TKTL2: variants seen among roughly 807,000 people sequenced by gnomAD.
TKTL2 encodes the protein transketolase-like protein 2.
For missense variants in TKTL2, 825 were observed against 799.4 expected (o/e 1.03, Z -0.39); for synonymous variants, 259 against 294.1 (o/e 0.88, Z 1.22).
At position 163,473,612 on chromosome 4, in the gene TKTL2, CGACG is replaced by C. The variant is rs765548461; in HGVS notation, c.119_122del (p.Thr40SerfsTer17). The C allele has an allele frequency of 3.7e-6, 6 of 1,614,008 alleles. No homozygotes were observed. The South Asian group carries it at 6.6e-5, about 18-fold the overall frequency. On this transcript the variant is annotated frameshift_variant, in exon 1 of 1. Coordinates refer to ENST00000280605, the MANE Select transcript of TKTL2 (RefSeq NM_032136.5). LOFTEE classifies it low-confidence loss of function (END_TRUNC). ...ACACGACCTCCGCTGCACTGCAGCA[CGACG>C]TGAGCTGGCCAGAACCAGAGGCACA...
Position 163,472,116 on chromosome 4 carries a change from G to A in TKTL2, c.1619C>T (p.Thr540Ile). ...GISVRVIDPFTIKPLDAATII... is the reference protein window; with the variant it reads ...GISVRVIDPFIIKPLDAATII... ...GGTGGCGGCATCCAGGGGTTTAATG[G>A]TAAATGGGTCGATGACACGGACAGA... is the stretch of plus-strand genomic sequence containing the variant. Residue 540 changes from threonine (T) to isoleucine (I), a missense_variant, in exon 1 of 1, where the codon ACC (threonine) becomes ATC (isoleucine). Physicochemically the swap from Thr to Ile is moderately conservative, Grantham distance 89. Coordinates refer to ENST00000280605, the MANE Select transcript of TKTL2 (RefSeq NM_032136.5). The A allele has an allele frequency of 6.2e-7, 1 of 1,614,196 alleles. No individual in the cohort carries two copies. Among genetic ancestry groups the A allele is most frequent in the Non-Finnish European group, 8.5e-7 (1 of 1,180,044 alleles).
rs756450611 is a variant in TKTL2, at chr4:163,472,616, C to T, written c.1119G>A (p.Met373Ile). ...TAGCACAGCCTAGTGCCACACTTAC[C>T]ATGTTTTGTTCAGCAATAATACACT... The part of the protein sequence containing the change: ...FIECIIAEQN[M>I]VSVALGCATR... The change falls in exon 1 of 1, where the codon ATG becomes ATA. Residue 373 changes from methionine (M) to isoleucine (I), a missense_variant. Physicochemically the swap from Met to Ile is conservative, Grantham distance 10. Coordinates refer to ENST00000280605, the MANE Select transcript of TKTL2 (RefSeq NM_032136.5). 6.2e-7 allele frequency: 1 copy of T among 1,614,190 alleles called. No individual in the cohort carries two copies. Among genetic ancestry groups the T allele is most frequent in the South Asian group, 1.1e-5 (1 of 91,084 alleles).
chr4:163,473,400 G>A lies in TKTL2; in HGVS notation c.335C>T (p.Pro112Leu). The part of the protein sequence containing the change: ...RKLHSDLERH[P>L]TPRLPFVDVA... ...GTCAACAAACGGCAATCGGGGGGTA[G>A]GGTGTCTCTCCAAGTCGCTGTGAAG... The change falls in exon 1 of 1, where the codon CCT (proline) becomes CTT (leucine). Residue 112 changes from proline to leucine, a missense_variant. Coordinates refer to ENST00000280605, the MANE Select transcript of TKTL2 (RefSeq NM_032136.5). The A allele has an allele frequency of 6.2e-7, 1 of 1,613,886 alleles. No homozygotes were observed. Among genetic ancestry groups the A allele is most frequent in the Non-Finnish European group, 8.5e-7 (1 of 1,179,964 alleles).
Position 163,472,774 on chromosome 4 carries a change from T to G in TKTL2, c.961A>C (p.Thr321Pro). The G allele has an allele frequency of 6.3e-7, 1 of 1,576,154 alleles. No homozygotes were observed. The highest frequency in any genetic ancestry group is 8.6e-7 in the Non-Finnish European group (1 of 1,162,142). ...PAYKVGDKIA[T>P]QKTYGLALAK... ...AGAGCCAAACCATATGTTTTCTGAG[T>G]AGCTATCTTGTCACCAACTTTGTAA... Residue 321 changes from threonine (T) to proline (P), a missense_variant, in exon 1 of 1, where the codon ACT becomes CCT. Thr to Pro is a conservative substitution (Grantham distance 38, BLOSUM62 -1). Coordinates refer to ENST00000280605, the MANE Select transcript of TKTL2 (RefSeq NM_032136.5).
At position 163,473,433 on chromosome 4, in the gene TKTL2, A is replaced by G; in HGVS notation, c.302T>C (p.Leu101Pro). The G allele has an allele frequency of 6.2e-7, 1 of 1,613,918 alleles. No homozygotes were observed. Among genetic ancestry groups the G allele is most frequent in the Non-Finnish European group, 8.5e-7 (1 of 1,179,990 alleles). ...CTCCAAGTCGCTGTGAAGTTTCCTC[A>G]GGTTCAGCAAGTCAGATTCACTGAT... ...GDISESDLLN[L>P]RKLHSDLERH... The change falls in exon 1 of 1, where the codon CTG (leucine) becomes CCG (proline). Residue 101 changes from leucine (L) to proline (P), a missense_variant. Leu to Pro is a moderately conservative substitution (Grantham distance 98, BLOSUM62 -3). Transcript: ENST00000280605.
chr4:163,472,358 C>T lies in TKTL2; in HGVS notation c.1377G>A (p.Glu459=), dbSNP rs759491245. The T allele has an allele frequency of 2.6e-5, 41 of 1,599,192 alleles. No individual in the cohort carries two copies. The highest frequency in any genetic ancestry group is 3.5e-5 in the Non-Finnish European group (41 of 1,172,864). The stretch of plus-strand genomic sequence containing the variant: ...TATTGGCGGCTAGATAAATAGCATG[C>T]TCTGTCGAGATGGCATCACTTGGAT... ...VFYPSDAIST[E]HAIYLAANTK... is the part of the protein sequence containing the mutation. The change falls in exon 1 of 1, where the codon GAG becomes GAA. Residue 459 remains glutamate (E), a synonymous_variant. Transcript: ENST00000280605.
rs1234846229 is a variant in TKTL2 at position 163,471,814 on chromosome 4, C to T, written c.*40G>A. ...ATACAAAGATACCAGTGCTTTTGGG[C>T]CAAAGCCAATAGACTTGACTTTTTA... is the stretch of plus-strand genomic sequence containing the variant. On this transcript the variant is annotated 3_prime_UTR_variant, in exon 1 of 1. Transcript: ENST00000280605. 6.9e-7 allele frequency: 1 copy of T among 1,459,012 alleles called. No homozygotes were observed. Among genetic ancestry groups the T allele is most frequent in the African/African-American group, 1.4e-5 (1 of 70,596 alleles). The allele number at this position is 1,459,012 out of a possible 1,614,324, so 90.4% of individuals were successfully genotyped here. A position where few individuals can be genotyped will look rare whatever the true frequency, so the allele number is the denominator to read the frequency against.
rs773623685 is a variant in TKTL2 at position 163,471,878 on chromosome 4, G to T, written c.1857C>A (p.Ala619=). The T allele has an allele frequency of 6.6e-7, 1 of 1,524,620 alleles. No individual in the cohort carries two copies. The highest frequency in any genetic ancestry group is 8.8e-7 in the Non-Finnish European group (1 of 1,136,344). The allele number at this position is 1,524,620 out of a possible 1,614,324, so 94.4% of individuals were successfully genotyped here. Residue 619 remains alanine, a synonymous_variant, in exon 1 of 1, where the codon GCC becomes GCA. Coordinates refer to ENST00000280605, the MANE Select transcript of TKTL2 (RefSeq NM_032136.5). ...TTTACTTCATTAAAGTAAGTGTTAC[G>T]GCTGCTATAATGTGTCTGGTACTGA... is the stretch of plus-strand genomic sequence containing the variant. ...FGISTRHIIA[A]VTLTLMK
In TKTL2 at chr4:163,472,466, T is replaced by C. The variant is rs1737185198; in HGVS notation, c.1269A>G (p.Val423=). The C allele has an allele frequency of 2.5e-6, 4 of 1,614,050 alleles. No individual in the cohort carries two copies. Among genetic ancestry groups the C allele is most frequent in the Non-Finnish European group, 3.4e-6 (4 of 1,180,044 alleles). Reference sequence around the variant, plus strand: ...GGGAGACTCCATCTTCTCCAGTGGATACCCCACAGTGGGAACCAATAAGGT... The same window carrying C: ...GGGAGACTCCATCTTCTCCAGTGGACACCCCACAGTGGGAACCAATAAGGT... ...NINLIGSHCG[V]STGEDGVSQM... Residue 423 remains valine (V), a synonymous_variant, in exon 1 of 1, where the codon GTA becomes GTG. Transcript: ENST00000280605.
Position 163,472,480 on chromosome 4 carries a change from A to T in TKTL2, c.1255T>A (p.Ser419Thr). The change falls in exon 1 of 1, where the codon TCC becomes ACC. Residue 419 changes from serine to threonine, a missense_variant. By Grantham distance (58) the Ser-to-Thr change is moderately conservative. Transcript: ENST00000280605. ...ISQANINLIG[S>T]HCGVSTGEDG... is the part of the protein sequence containing the mutation. ...TCTCCAGTGGATACCCCACAGTGGGAACCAATAAGGTTGATATTGGCTTGA... is the reference window on the plus strand; with the variant it reads ...TCTCCAGTGGATACCCCACAGTGGGTACCAATAAGGTTGATATTGGCTTGA... The T allele has an allele frequency of 6.2e-7, 1 of 1,614,188 alleles. No homozygotes were observed. The highest frequency in any genetic ancestry group is 8.5e-7 in the Non-Finnish European group (1 of 1,180,038).
rs761348402 is a variant in TKTL2 at position 163,473,505 on chromosome 4, C to T, written c.230G>A (p.Gly77Glu). Residue 77 changes from glycine (G) to glutamate (E), a missense_variant, in exon 1 of 1, where the codon GGA becomes GAA. Gly to Glu is a moderately conservative substitution (Grantham distance 98, BLOSUM62 -2). Transcript: ENST00000280605. The stretch of plus-strand genomic sequence containing the variant: ...AGCATAGAGGATAGGAGCAGCATGT[C>T]CCCTGGAGAGGATGAACCGGTCGTT... ...PDNDRFILSR[G>E]HAAPILYAAW... 1 of 1,613,932 alleles carries T rather than the reference C, an allele frequency of 6.2e-7. No individual in the cohort carries two copies. Among genetic ancestry groups the T allele is most frequent in the Non-Finnish European group, 8.5e-7 (1 of 1,179,980 alleles).
chr4:163,473,578 A>G lies in TKTL2; in HGVS notation c.157T>C (p.Phe53Leu). Residue 53 changes from phenylalanine (F) to leucine (L), a missense_variant, in exon 1 of 1, where the codon TTC becomes CTC. Physicochemically the swap from Phe to Leu is conservative, Grantham distance 22 (BLOSUM62 0). Coordinates refer to ENST00000280605, the MANE Select transcript of TKTL2 (RefSeq NM_032136.5). ...CSAAEVVSVL[F>L]FHTMKYKQTD... ...TGTTTATACTTCATCGTGTGGAAGA[A>G]GAGGACAGACACGACCTCCGCTGCA... 6 of 1,614,172 alleles carry G rather than the reference A, an allele frequency of 3.7e-6. No individual in the cohort carries two copies. The highest frequency in any genetic ancestry group is 5.1e-6 in the Non-Finnish European group (6 of 1,180,030).
At position 163,473,395 on chromosome 4, in the gene TKTL2, G is replaced by T. The variant is rs762358941; in HGVS notation, c.340C>A (p.Pro114Thr). ...LHSDLERHPT[P>T]RLPFVDVATG... ...GCCACGTCAACAAACGGCAATCGGG[G>T]GGTAGGGTGTCTCTCCAAGTCGCTG... Residue 114 changes from proline (P) to threonine (T), a missense_variant, in exon 1 of 1, where the codon CCC (proline) becomes ACC (threonine). Physicochemically the swap from Pro to Thr is conservative, Grantham distance 38. Coordinates refer to ENST00000280605, the MANE Select transcript of TKTL2 (RefSeq NM_032136.5). 6.2e-7 allele frequency: 1 copy of T among 1,613,890 alleles called. No homozygotes were observed. The highest frequency in any genetic ancestry group is 8.5e-7 in the Non-Finnish European group (1 of 1,179,966).
At position 163,473,013 on chromosome 4, in the gene TKTL2, G is replaced by A. The variant is rs763073047; in HGVS notation, c.722C>T (p.Ala241Val). 1.2e-6 allele frequency: 2 copies of A among 1,614,150 alleles called. No homozygotes were observed. The highest frequency in any genetic ancestry group is 1.7e-6 in the Non-Finnish European group (2 of 1,180,028). ...ACCTTTGAAGGTCTTGGCAACTATA[G>A]CAGTAGGCTTGTTCTTCACTTGACT... ...QASQVKNKPT[A>V]IVAKTFKGRG... is the part of the protein sequence containing the mutation. Residue 241 changes from alanine to valine, a missense_variant, in exon 1 of 1, where the codon GCT (alanine) becomes GTT (valine). Ala to Val is a moderately conservative substitution (Grantham distance 64). Transcript: ENST00000280605.
rs771746721 is a variant in TKTL2, at chr4:163,471,849, C to T, written c.*5G>A. 2 of 1,509,060 alleles carry T rather than the reference C, an allele frequency of 1.3e-6. No individual in the cohort carries two copies. The highest frequency in any genetic ancestry group is 2.3e-5 in the Admixed American group (1 of 43,600). 93.5% of individuals were successfully genotyped at this position (1,509,060 alleles called of 1,614,324 possible). On this transcript the variant is annotated 3_prime_UTR_variant, in exon 1 of 1. Coordinates refer to ENST00000280605, the MANE Select transcript of TKTL2 (RefSeq NM_032136.5). ...TAGACTTGACTTTTTAGAAATAAGC[C>T]TAGTTTACTTCATTAAAGTAAGTGT...
At position 163,473,169 on chromosome 4, in the gene TKTL2, C is replaced by A. The variant is rs113691794; in HGVS notation, c.566G>T (p.Gly189Val). 3.3e-4 allele frequency: 533 copies of A among 1,613,866 alleles called. 2 individuals are homozygous for A. The African/African-American group carries it at 6.0e-3, about 18-fold the overall frequency. Residue 189 changes from glycine to valine, a missense_variant, in exon 1 of 1, where the codon GGA (glycine) becomes GTA (valine). Transcript: ENST00000280605. ...LVAVFDVNRL[G>V]QSGPAPLEHG... ...CTCAAGGGGTGCAGGGCCACTTTGT[C>A]CCAAGCGGTTCACGTCGAAGACCGC...
chr4:163,473,593 C>T lies in TKTL2; in HGVS notation c.142G>A (p.Val48Ile), dbSNP rs531864742. ...GTGTGGAAGAAGAGGACAGACACGACCTCCGCTGCACTGCAGCACGACGTG... is the reference window on the plus strand; with the variant it reads ...GTGTGGAAGAAGAGGACAGACACGATCTCCGCTGCACTGCAGCACGACGTG... ...QLTSCCSAAE[V>I]VSVLFFHTMK... The change falls in exon 1 of 1, where the codon GTC becomes ATC. Residue 48 changes from valine to isoleucine, a missense_variant. Coordinates refer to ENST00000280605, the MANE Select transcript of TKTL2 (RefSeq NM_032136.5). The T allele has an allele frequency of 6.2e-7, 1 of 1,614,152 alleles. No individual in the cohort carries two copies. The highest frequency in any genetic ancestry group is 1.1e-5 in the South Asian group (1 of 91,076).
Position 163,472,543 on chromosome 4 carries a change from T to TA in TKTL2, c.1191dup (p.Thr398TyrfsTer2), listed in dbSNP as rs1352897028. On this transcript the variant is annotated frameshift_variant, in exon 1 of 1. Transcript: ENST00000280605. LOFTEE classifies it low-confidence loss of function (END_TRUNC). ...ATTCGGAGCTGATCGAATGCTCTAG[T>TA]AAAAAAGGCAGCAAAAGCACCAGCA... is the stretch of plus-strand genomic sequence containing the variant. 1.1e-4 allele frequency: 176 copies of TA among 1,613,954 alleles called. No homozygotes were observed. The highest frequency in any genetic ancestry group is 1.5e-4 in the Non-Finnish European group (174 of 1,180,010).
chr4:163,471,941 T>C lies in TKTL2; in HGVS notation c.1794A>G (p.Gln598=), dbSNP rs1737172109. 6.2e-7 allele frequency: 1 copy of C among 1,608,626 alleles called. No individual in the cohort carries two copies. Among genetic ancestry groups the C allele is most frequent in the Non-Finnish European group, 8.5e-7 (1 of 1,177,510 alleles). The change falls in exon 1 of 1, where the codon CAA becomes CAG. Residue 598 remains glutamine, a synonymous_variant. Coordinates refer to ENST00000280605, the MANE Select transcript of TKTL2 (RefSeq NM_032136.5). ...CCAGCAATTCACTAGTTTTCCCACGTTGAGGCACTCCTGACACTGCCAGTT... is the reference window on the plus strand; with the variant it reads ...CCAGCAATTCACTAGTTTTCCCACGCTGAGGCACTCCTGACACTGCCAGTT... ...VHQLAVSGVP[Q]RGKTSELLDM...
Sources: gnomAD v4.1 joint callset for allele counts on GRCh38, gnomAD v4.1.1 for gene constraint, MANE v1.5 for transcripts, NCBI Gene and HGNC (gene_info 2026-07-23, HGNC 2026-07-21) for gene names.